SGK3: variants seen among roughly 807,000 people sequenced by gnomAD.
The protein encoded by SGK3 is serine/threonine-protein kinase Sgk3.
In SGK3, 47 loss-of-function variants were observed where a neutral mutation model predicts 68.5. The ratio of observed to expected loss-of-function variants is 0.69; its 90% confidence interval spans 0.54 to 0.87. The LOEUF (loss-of-function observed/expected upper bound fraction) is 0.87. Ranked by LOEUF, SGK3 falls within the 40% of genes least tolerant of loss-of-function variation. The pLI, the probability that SGK3 is intolerant of heterozygous loss-of-function variation, is 0.00. For missense variants in SGK3, 479 were observed against 575.5 expected (o/e 0.83, Z 1.72); for synonymous variants, 181 against 189.1 (o/e 0.96, Z 0.35).
At chr8:66,834,125 A>G (rs965185570) in intron 8 of SGK3, among the ~76,000 whole-genome samples, 2 of 152,264 alleles carry the variant, frequency 1.3e-5, no homozygotes, top group African/African-American at 4.8e-5. Context: ...GGAAAGGTAT[A>G]TACAGGAATG....
chr8:66,790,236 A>G lies in SGK3; in HGVS notation c.-121-3380A>G, dbSNP rs898663332. On this transcript the variant is annotated intron_variant, in intron 1 of 16. Transcript: ENST00000521198. Reference sequence around the variant, plus strand: ...CATAAAGGCAGTTTTCTCCCAGAGTAGACTTGGAACTTCTTTCTGGGGTCT... The same window carrying G: ...CATAAAGGCAGTTTTCTCCCAGAGTGGACTTGGAACTTCTTTCTGGGGTCT... Among the ~76,000 whole-genome samples the G allele has an allele frequency of 3.3e-5, 5 of 152,202 alleles. No individual in the cohort carries two copies. The South Asian group carries it at 1.0e-3, about 32-fold the overall frequency.
At chr8:66,749,222 A>G (rs1447449105) in intron 1 of SGK3, among the ~76,000 whole-genome samples, 3 of 152,114 alleles carry the variant, frequency 2.0e-5, no homozygotes, top group Admixed American at 6.6e-5. Flanking sequence ...CTTATAGAAA[A>G]GTTATTTTTG....
At chr8:66,741,349 A>G (rs912175009) in intron 1 of SGK3, among the ~76,000 whole-genome samples, 2 of 152,100 alleles carry the variant, frequency 1.3e-5, no homozygotes, top group African/African-American at 4.8e-5. Context: ...CAGGAGTTTG[A>G]GACCAGCCTG....
chr8:66,798,158 A>G (rs997117687), intron 2 of SGK3, among the ~76,000 whole-genome samples: 10 of 151,916 alleles, frequency 6.6e-5, no homozygotes, highest in African/African-American at 2.4e-4. Context: ...ACAGGCGTGT[A>G]CACCATGCCC....
In SGK3 at chr8:66,780,303, G is replaced by A. The variant is rs139219416; in HGVS notation, c.-121-13313G>A. ...TTCTAAACGTCTCTCTCCACCTGTT[G>A]AATAAGTCAATGAAAGGTTTTATTA... On this transcript the variant is annotated intron_variant, in intron 1 of 16. Transcript: ENST00000521198. 2.0e-3 allele frequency among the ~76,000 whole-genome samples: 304 copies of A among 152,262 alleles called. 1 individual carries two copies. The highest frequency in any genetic ancestry group is 7.1e-3 in the African/African-American group (296 of 41,552).
intron 1 of SGK3, among the ~76,000 whole-genome samples, chr8:66,789,239 T>G (rs1272712265): frequency 6.6e-6 from 1 of 152,206 alleles, no homozygotes; most frequent in East Asian, 1.9e-4. Flanking sequence ...CCAGCTTTGA[T>G]CTAGGTAAAT....
chr8:66,846,673 G>A (rs572393910), intron 14 of SGK3, among the ~76,000 whole-genome samples: 1 of 152,272 alleles, frequency 6.6e-6, no homozygotes, highest in South Asian at 2.1e-4. Context: ...TTGTGTTGAA[G>A]CTATACCCCA....
At position 66,733,061 on chromosome 8, in the gene SGK3, A is replaced by G. The variant is rs530506766; in HGVS notation, c.-122+20228A>G. 2.0e-5 allele frequency among the ~76,000 whole-genome samples: 3 copies of G among 152,302 alleles called. No individual in the cohort carries two copies. The East Asian group carries it at 5.8e-4, about 29-fold the overall frequency. Reference sequence around the variant, plus strand: ...AAAAATTCTACGAAGTGTGCATGGTACATATAGCCAGAAAAGCCGAATCAT... The same window carrying G: ...AAAAATTCTACGAAGTGTGCATGGTGCATATAGCCAGAAAAGCCGAATCAT... On this transcript the variant is annotated intron_variant, in intron 1 of 16. Transcript: ENST00000521198.
chr8:66,750,717 A>G (rs1805787551), intron 1 of SGK3, among the ~76,000 whole-genome samples: 1 of 150,878 alleles, frequency 6.6e-6, no homozygotes, highest in Non-Finnish European at 1.5e-5. Context: ...GAAAAGAAAT[A>G]TGAGGTGCTG....
At chr8:66,834,340 A>G (rs1289580225) in intron 8 of SGK3, among the ~76,000 whole-genome samples, 1 of 152,224 alleles carries the variant, frequency 6.6e-6, no homozygotes, top group Non-Finnish European at 1.5e-5. Context: ...CGTGAAATTC[A>G]AAACAGGGCA....
At position 66,847,457 on chromosome 8, in the gene SGK3, T is replaced by C. The variant is rs983520389; in HGVS notation, c.1230+109T>C. ...TGGAATGAATACAATATGCGGAGAATAGCAACATGGAAAAAAAGCATACTT... is the reference window on the plus strand; with the variant it reads ...TGGAATGAATACAATATGCGGAGAACAGCAACATGGAAAAAAAGCATACTT... On this transcript the variant is annotated intron_variant, in intron 15 of 16. Transcript: ENST00000521198. 28 of 1,461,316 alleles carry C rather than the reference T, an allele frequency of 1.9e-5. No homozygotes were observed. In the South Asian group the frequency reaches 3.0e-4, roughly 16 times the overall value. 90.5% of individuals were successfully genotyped at this position (1,461,316 alleles called of 1,614,324 possible).
chr8:66,767,997 A>G (rs772995607), intron 1 of SGK3: 3 of 780,482 alleles, frequency 3.8e-6, no homozygotes, highest in East Asian at 2.5e-5. Flanking sequence ...CATAGATCAG[A>G]GTAGCCATTC....
intron 2 of SGK3, among the ~76,000 whole-genome samples, chr8:66,794,499 T>C (rs972122538): frequency 4.6e-5 from 7 of 151,922 alleles, no homozygotes; most frequent in African/African-American, 1.5e-4. Context: ...AAGCCACTTA[T>C]TGTGTCTATT....
intron 3 of SGK3, among the ~76,000 whole-genome samples, chr8:66,801,042 C>A (rs1202942481): frequency 5.9e-5 from 9 of 152,180 alleles, no homozygotes; most frequent in African/African-American, 2.2e-4. Flanking sequence ...CTGTTTTCTT[C>A]TGTTCTTTAG....
chr8:66,802,487 AAGACC>A (rs1478941770), intron 3 of SGK3, among the ~76,000 whole-genome samples: 3 of 152,046 alleles, frequency 2.0e-5, no homozygotes, highest in Admixed American at 2.0e-4. Flanking sequence ...TCAGGAGTTC[AAGACC>A]AGCCCGGGCA....
chr8:66,795,458 A>G (rs577243655), intron 2 of SGK3, among the ~76,000 whole-genome samples: 3 of 152,346 alleles, frequency 2.0e-5, no homozygotes, highest in East Asian at 3.9e-4. Context: ...CTTGAATAAA[A>G]TGGTAGAGTG....
chr8:66,839,998 G>C lies in SGK3; in HGVS notation c.742-5G>C. 2 of 1,611,268 alleles carry C rather than the reference G, an allele frequency of 1.2e-6. No homozygotes were observed. Among genetic ancestry groups the C allele is most frequent in the Non-Finnish European group, 1.7e-6 (2 of 1,179,066 alleles). On this transcript the variant is annotated splice_region_variant and splice_polypyrimidine_tract_variant and intron_variant, in intron 10 of 16. Coordinates refer to ENST00000521198, the MANE Select transcript of SGK3 (RefSeq NM_001033578.3). ...CTCCCCCCACCCCCACAACCAATTT[G>C]ACAGCTTTTTTTCCACTTACAAAGA...
At position 66,841,943 on chromosome 8, in the gene SGK3, C is replaced by T. The variant is rs568240974; in HGVS notation, c.978+833C>T. On this transcript the variant is annotated intron_variant, in intron 13 of 16. Transcript: ENST00000521198. ...AGGTATTTATAATGATTTTAGGTACCACATAATATTTCATCTTTATCGTGG... is the reference window on the plus strand; with the variant it reads ...AGGTATTTATAATGATTTTAGGTACTACATAATATTTCATCTTTATCGTGG... Among the ~76,000 whole-genome samples, 4 of 152,146 alleles carry T rather than the reference C, an allele frequency of 2.6e-5. No homozygotes were observed. The East Asian group carries it at 5.8e-4, about 22-fold the overall frequency.
intron 1 of SGK3, among the ~76,000 whole-genome samples, chr8:66,734,185 G>A (rs1025545737): frequency 1.5e-4 from 22 of 147,716 alleles, no homozygotes; most frequent in Admixed American, 9.5e-4. Context: ...GGTAAAAATT[G>A]ATAGTAACAT....
Sources: allele counts gnomAD v4.1 joint callset (sites outside exome capture counted in the v4.1 genomes callset), GRCh38; gene constraint gnomAD v4.1.1; transcripts MANE v1.5; gene names NCBI Gene and HGNC (gene_info 2026-07-23, HGNC 2026-07-21).